The following DPEP2 variants were observed in gnomAD, a reference collection of about 807,000 sequenced individuals.
The protein encoded by DPEP2 is dipeptidase 2.
DPEP2 carries 45 observed loss-of-function variants against 51.8 expected under a neutral mutation model. The ratio of observed to expected loss-of-function variants is 0.87; its 90% CI spans 0.68 to 1.11. The LOEUF is 1.11. DPEP2 is among the 50% of genes most tolerant of loss of function. The pLI, the probability that DPEP2 is intolerant of heterozygous loss-of-function variation, is 0.00. For synonymous variants in DPEP2, 255 were observed against 262.7 expected, an observed-to-expected ratio of 0.97 and a Z score of 0.28; for missense variants, 604 against 631.9, an observed-to-expected ratio of 0.96 and a Z score of 0.47.
At position 67,991,229 on chromosome 16, in the gene DPEP2, G is replaced by T. The variant is rs754113846; in HGVS notation, c.663-45C>A. The T allele has an allele frequency of 6.2e-7, 1 of 1,602,776 alleles. No individual in the cohort carries two copies. On this transcript the variant is annotated intron_variant, in intron 5 of 10. Coordinates refer to ENST00000393847, the MANE Select transcript of DPEP2 (RefSeq NM_022355.4). The surrounding 1 kb of genome is among the most constrained non-coding windows in gnomAD (Gnocchi z 5.1). ...CAGTCTGACTGGTAGCTGTTCCTCG[G>T]CCTCAAGAGTCTAGAGGCCCTACCC...
Position 67,997,473 on chromosome 16 carries a change from C to A in DPEP2, c.-46+1902G>T, listed in dbSNP as rs532391043. ...CCGGGTTCAGGCCATTCTCCTGCCG[C>A]AGCCTCCCGAGTAGCTGGGACTATA... On this transcript the variant is annotated intron_variant, in intron 1 of 10. Transcript: ENST00000393847. Among the ~76,000 whole-genome samples, 24 of 152,338 alleles carry A rather than the reference C, an allele frequency of 1.6e-4. No individual in the cohort carries two copies. In the South Asian group the frequency reaches 4.8e-3, roughly 30 times the overall value.
At chr16:67,996,531 G>A (rs978840288) in intron 1 of DPEP2, among the ~76,000 whole-genome samples, 1 of 151,884 alleles carries the variant, frequency 6.6e-6, no homozygotes, top group Non-Finnish European at 1.5e-5. Flanking sequence ...ACAGGCATGT[G>A]CCACCACACC....
chr16:67,994,262 C>T, intron 1 of DPEP2: 1 of 985,508 alleles, frequency 1.0e-6, no homozygotes, highest in Non-Finnish European at 1.2e-6. Context: ...TGAGGAAAGC[C>T]CTGCCACCTG....
At chr16:67,993,986 C>T in intron 1 of DPEP2, 3 of 985,398 alleles carry the variant, frequency 3.0e-6, no homozygotes, top group South Asian at 9.4e-5. Context: ...GAAAGAGCTC[C>T]TTCCTAAGGA....
At position 67,992,008 on chromosome 16, in the gene DPEP2, T is replaced by C. The variant is rs1226020303; in HGVS notation, c.521-29A>G. On this transcript the variant is annotated intron_variant, in intron 4 of 10. Transcript: ENST00000393847. ...GGGGCAGGTAGGTCAGGTGATTACT[T>C]TCCAGGGCTGGAGTAGCTCAATCAA... 6 of 1,613,864 alleles carry C rather than the reference T, an allele frequency of 3.7e-6. No homozygotes were observed. The African/African-American group carries it at 8.0e-5, about 22-fold the overall frequency.
Position 67,989,308 on chromosome 16 carries a change from A to G in DPEP2, c.1070+15T>C. On this transcript the variant is annotated intron_variant, in intron 9 of 10. Transcript: ENST00000393847. ...GTACAGCTAGCCCAAGACAAGCCAC[A>G]GGGAAGGCACTCACTTGCCGGCCCC... 1 of 1,614,066 alleles carries G rather than the reference A, an allele frequency of 6.2e-7. No individual in the cohort carries two copies. Among genetic ancestry groups the G allele is most frequent in the Non-Finnish European group, 8.5e-7 (1 of 1,179,910 alleles).
Position 67,989,378 on chromosome 16 carries a change from C to T in DPEP2, c.1015G>A (p.Ala339Thr), listed in dbSNP as rs1033727371. Residue 339 changes from alanine (A) to threonine (T), a missense_variant, in exon 9 of 11, where the codon GCT becomes ACT. Ala to Thr is a moderately conservative substitution (Grantham distance 58, BLOSUM62 0). Transcript: ENST00000393847. The stretch of plus-strand genomic sequence containing the variant: ...CCGATGAACTTGGATCCAATGACAG[C>T]CTTGATGTGGTCGAAGTGATCTGGG... ...TVADHFDHIK[A>T]VIGSKFIGIG... 1.4e-5 allele frequency: 22 copies of T among 1,614,064 alleles called. No individual in the cohort carries two copies. The highest frequency in any genetic ancestry group is 1.8e-5 in the Non-Finnish European group (21 of 1,180,040).
Position 67,991,608 on chromosome 16 carries a change from C to A in DPEP2, c.662+230G>T. 4.9e-6 allele frequency: 3 copies of A among 611,132 alleles called. No homozygotes were observed. The highest frequency in any genetic ancestry group is 4.7e-5 in the South Asian group (2 of 42,418). The allele number at this position is 611,132 out of a possible 1,614,324, so 37.9% of individuals were successfully genotyped here. On this transcript the variant is annotated intron_variant, in intron 5 of 10. Coordinates refer to ENST00000393847, the MANE Select transcript of DPEP2 (RefSeq NM_022355.4). This position sits in a 1 kb window ranked among gnomAD's most constrained non-coding sequence, Gnocchi z 5.1. ...GGCCAGGCTGGTCTCGAACTCCTGG[C>A]CTTAAGTTATCTGTCCGCCTCAGCC... is the stretch of plus-strand genomic sequence containing the variant.
chr16:67,998,535 G>A (rs934770398), intron 1 of DPEP2, among the ~76,000 whole-genome samples: 1 of 152,140 alleles, frequency 6.6e-6, no homozygotes, highest in Admixed American at 6.5e-5. Context: ...GAGCCTCCCC[G>A]GTGAGCGCCG....
chr16:68,000,106 C>T (rs2032938376), upstream of DPEP2, among the ~76,000 whole-genome samples: 1 of 152,144 alleles, frequency 6.6e-6, no homozygotes, highest in Non-Finnish European at 1.5e-5. Flanking sequence ...CTACGTCCCC[C>T]CATAGAGCCT....
At chr16:67,990,258 C>T in intron 7 of DPEP2, 127 bp from the exon 8 acceptor site, 2 of 832,758 alleles carry the variant, frequency 2.4e-6, no homozygotes, top group Non-Finnish European at 3.8e-6. Flanking sequence ...AACTTCACCT[C>T]TCTGGTTTTG....
intron 4 of DPEP2, 28 bp from the exon 5 acceptor site, chr16:67,992,007 T>C (rs370504404): frequency 1.9e-4 from 299 of 1,613,868 alleles, no homozygotes; most frequent in Non-Finnish European, 2.2e-4. Context: ...AGGTGATTAC[T>C]TTCCAGGGCT....
chr16:67,999,711 GGAGGTTT>G (rs1482928557), upstream of DPEP2: 1 of 154,120 alleles, frequency 6.5e-6, no homozygotes, highest in Non-Finnish European at 1.4e-5. Context: ...TCTTGAAGCC[GGAGGTTT>G]GAGACCAGTC....
chr16:67,988,208 C>T (rs2031654168), intron 9 of DPEP2, among the ~76,000 whole-genome samples: 1 of 152,134 alleles, frequency 6.6e-6, no homozygotes, highest in South Asian at 2.1e-4. Context: ...AGATCTATGC[C>T]TTTTACTGAA....
At chr16:67,994,753 A>G in intron 1 of DPEP2, 1 of 983,476 alleles carries the variant, frequency 1.0e-6, no homozygotes, top group Middle Eastern at 5.2e-4. Flanking sequence ...GTCCCAAGCT[A>G]CCCAGGAGGG....
chr16:67,991,600 A>T lies in DPEP2; in HGVS notation c.662+238T>A. 1.7e-6 allele frequency: 1 copy of T among 585,254 alleles called. No individual in the cohort carries two copies. Among genetic ancestry groups the T allele is most frequent in the African/African-American group, 1.9e-5 (1 of 53,860 alleles). 36.3% of individuals were successfully genotyped at this position (585,254 alleles called of 1,614,324 possible). On this transcript the variant is annotated intron_variant, in intron 5 of 10. Coordinates refer to ENST00000393847, the MANE Select transcript of DPEP2 (RefSeq NM_022355.4). This position sits in a 1 kb window ranked among gnomAD's most constrained non-coding sequence, Gnocchi z 5.1. ...ACCATCTTGGCCAGGCTGGTCTCGAACTCCTGGCCTTAAGTTATCTGTCCG... is the reference window on the plus strand; with the variant it reads ...ACCATCTTGGCCAGGCTGGTCTCGATCTCCTGGCCTTAAGTTATCTGTCCG...
At chr16:67,998,803 G>C (rs1241894930) in intron 1 of DPEP2, among the ~76,000 whole-genome samples, 2 of 152,212 alleles carry the variant, frequency 1.3e-5, no homozygotes, top group African/African-American at 4.8e-5. Context: ...CTAGCTCAGA[G>C]TTTGTGAATG....
At chr16:67,989,180 A>T in intron 9 of DPEP2, 143 bp downstream of exon 9, 2 of 858,504 alleles carry the variant, frequency 2.3e-6, no homozygotes, top group Non-Finnish European at 3.7e-6. Context: ...GAGTGGGGTC[A>T]CTGGGATGAA....
chr16:67,988,208 C>G (rs2031654168), intron 9 of DPEP2, among the ~76,000 whole-genome samples: 1 of 152,016 alleles, frequency 6.6e-6, no homozygotes, highest in Admixed American at 6.6e-5. Flanking sequence ...AGATCTATGC[C>G]TTTTACTGAA....
Sources: gnomAD v4.1 joint callset for allele counts (sites outside exome capture counted in the v4.1 genomes callset) on GRCh38, gnomAD v4.1.1 for gene constraint, Gnocchi (gnomAD v3.1) non-coding constraint, MANE v1.5 for transcripts, NCBI Gene and HGNC (gene_info 2026-07-23, HGNC 2026-07-21) for gene names.